PRIM2: variants seen among roughly 807,000 people sequenced by gnomAD.
The protein encoded by PRIM2 is DNA primase subunit 2.
A neutral mutation model predicts 67.3 loss-of-function variants in PRIM2; 39 were observed. The ratio of observed to expected loss-of-function variants is 0.58; its 90% CI spans 0.45 to 0.76. The LOEUF is 0.76. Ranked by LOEUF, PRIM2 falls within the 30% of genes least tolerant of loss-of-function variation. The probability of loss-of-function intolerance (pLI) is 0.00; values close to 1 mark genes in which losing one functional copy is unlikely to be tolerated. For synonymous variants in PRIM2, 143 were observed against 198.7 expected (o/e 0.72, Z 2.36); for missense variants, 398 against 598.7 (o/e 0.66, Z 3.50).
rs1423115261 is a variant in PRIM2, at chr6:57,646,338, A to G, written c.*180A>G. On this transcript the variant is annotated 3_prime_UTR_variant, in exon 14 of 14. Coordinates refer to ENST00000615550, the MANE Select transcript of PRIM2 (RefSeq NM_000947.5). The stretch of plus-strand genomic sequence containing the variant: ...TCCTACCTCAGCCTCCCAAGTAGTT[A>G]GGACCACAGGTGTGCACCTCATATC... 244,991 of 599,374 alleles carry G rather than the reference A, an allele frequency of 0.41. 52,645 individuals are homozygous for G. The highest frequency in any genetic ancestry group is 0.69 in the East Asian group (24,612 of 35,744). The allele number at this position is 599,374 out of a possible 1,614,324, so 37.1% of individuals were successfully genotyped here.
chr6:57,401,558 A>G (rs1770709080), intron 7 of PRIM2, among the ~76,000 whole-genome samples: 1 of 152,062 alleles, frequency 6.6e-6, no homozygotes, highest in South Asian at 2.1e-4. Context: ...CTGGCTGTAG[A>G]TTGCAGCTTG....
At chr6:57,500,461 A>C (rs1260023666) in intron 7 of PRIM2, among the ~76,000 whole-genome samples, 1 of 152,220 alleles carries the variant, frequency 6.6e-6, no homozygotes, top group Non-Finnish European at 1.5e-5. Context: ...AGTCTAGTTG[A>C]AAGAAGGTTT....
At chr6:57,613,628 A>T (rs1433062332) in intron 12 of PRIM2, among the ~76,000 whole-genome samples, 1 of 152,094 alleles carries the variant, frequency 6.6e-6, no homozygotes, top group African/African-American at 2.4e-5. Flanking sequence ...CCACACTTTT[A>T]TGGGATCTGG....
chr6:57,475,574 A>T (rs1773457015), intron 7 of PRIM2, among the ~76,000 whole-genome samples: 1 of 152,170 alleles, frequency 6.6e-6, no homozygotes, highest in African/African-American at 2.4e-5. Flanking sequence ...TCGTGTGCAT[A>T]TACCAGAATA....
At chr6:57,254,853 T>C in the PRIM2 span, among the ~76,000 whole-genome samples, 2 of 152,162 alleles carry the variant, frequency 1.3e-5, no homozygotes, top group African/African-American at 4.8e-5. Context: ...AGGATTCAGA[T>C]CTTAGTTATA....
intron 12 of PRIM2, among the ~76,000 whole-genome samples, chr6:57,610,102 T>G (rs1203955773): frequency 6.2e-4 from 95 of 152,272 alleles, no homozygotes; most frequent in African/African-American, 2.1e-3. Context: ...AGAGTCTTGC[T>G]CTGTCTTCCA....
the PRIM2 span, among the ~76,000 whole-genome samples, chr6:57,287,726 G>A: frequency 6.6e-6 from 1 of 151,382 alleles, no homozygotes; most frequent in Admixed American, 6.6e-5. Context: ...GTATACCTGT[G>A]TAACAAAGCT....
intron 3 of PRIM2, among the ~76,000 whole-genome samples, chr6:57,322,489 A>G (rs1767693807): frequency 6.6e-6 from 1 of 152,240 alleles, no homozygotes; most frequent in Non-Finnish European, 1.5e-5. Flanking sequence ...GCTATTCTAG[A>G]TAGTGAGTTC....
At chr6:57,294,466 G>A in the PRIM2 span, among the ~76,000 whole-genome samples, 5 of 152,042 alleles carry the variant, frequency 3.3e-5, 1 homozygote, top group Admixed American at 3.3e-4. Context: ...GGGCAACAGA[G>A]CGAGACTCCG....
Position 57,507,450 on chromosome 6 carries a change from C to G in PRIM2, c.757C>G (p.Leu253Val). The G allele has an allele frequency of 6.5e-7, 1 of 1,527,066 alleles. No individual in the cohort carries two copies. 94.6% of individuals were successfully genotyped at this position (1,527,066 alleles called of 1,614,324 possible). A position where few individuals can be genotyped will look rare whatever the true frequency, so the allele number is the denominator to read the frequency against. Residue 253 changes from leucine to valine, a missense_variant, in exon 8 of 14, where the codon CTC becomes GTC. This residue lies in a region of PRIM2 where 229 missense variants were observed against 383.6 expected (regional missense o/e 0.60). Transcript: ENST00000615550. ...AAGACTTCAGCCTCTGCTCAATCACCTCAGGTAATATAAGGGCACAGCCTT... is the reference window on the plus strand; with the variant it reads ...AAGACTTCAGCCTCTGCTCAATCACGTCAGGTAATATAAGGGCACAGCCTT... Reference protein sequence around the residue: ...DERLQPLLNHLSHSYTGQDYS... With the variant: ...DERLQPLLNHVSHSYTGQDYS...
intron 8 of PRIM2, among the ~76,000 whole-genome samples, chr6:57,514,181 A>G (rs1774432444): frequency 6.6e-6 from 1 of 152,206 alleles, no homozygotes; most frequent in South Asian, 2.1e-4. Context: ...CATTTTGTTA[A>G]TATGCACACA....
upstream of PRIM2, among the ~76,000 whole-genome samples, chr6:57,314,207 C>G (rs533142981): frequency 4.6e-5 from 7 of 152,282 alleles, no homozygotes; most frequent in East Asian, 1.3e-3. Flanking sequence ...TCATATGTCT[C>G]TCACAGTATT....
intron 7 of PRIM2, among the ~76,000 whole-genome samples, chr6:57,491,639 A>G (rs1319415075): frequency 1.3e-5 from 2 of 152,204 alleles, no homozygotes; most frequent in Non-Finnish European, 2.9e-5. Flanking sequence ...CATATAACAG[A>G]AATGATTTTT....
chr6:57,551,483 T>G (rs1313766139), intron 10 of PRIM2, among the ~76,000 whole-genome samples: 3 of 152,224 alleles, frequency 2.0e-5, no homozygotes, highest in African/African-American at 7.2e-5. Flanking sequence ...AGAAGTAGAT[T>G]GCTTTTCGAC....
chr6:57,442,436 G>C (rs976451287), intron 7 of PRIM2, among the ~76,000 whole-genome samples: 1 of 151,898 alleles, frequency 6.6e-6, no homozygotes, highest in Non-Finnish European at 1.5e-5. Flanking sequence ...CAAGAAGAAG[G>C]GGACTGAGAT....
At chr6:57,277,103 C>T in the PRIM2 span, among the ~76,000 whole-genome samples, 1 of 152,154 alleles carries the variant, frequency 6.6e-6, no homozygotes, top group East Asian at 1.9e-4. Flanking sequence ...AAGAAGTTAC[C>T]ATCAGAGAGA....
At chr6:57,224,595 T>G in the PRIM2 span, among the ~76,000 whole-genome samples, 1 of 152,086 alleles carries the variant, frequency 6.6e-6, no homozygotes, top group Non-Finnish European at 1.5e-5. Context: ...AATGGTAAAT[T>G]TTATGTTTTA....
chr6:57,492,396 A>G (rs1554346043), intron 7 of PRIM2, among the ~76,000 whole-genome samples: 53 of 152,136 alleles, frequency 3.5e-4, no homozygotes, highest in Non-Finnish European at 3.4e-4. Context: ...TACAAAAATT[A>G]GCAGGGCATG....
chr6:57,640,459 A>G (rs1777210800), intron 13 of PRIM2, among the ~76,000 whole-genome samples: 1 of 152,210 alleles, frequency 6.6e-6, no homozygotes, highest in African/African-American at 2.4e-5. Flanking sequence ...CTCTGTTTGC[A>G]GATGACATGA....
Sources: allele counts gnomAD v4.1 joint callset (sites outside exome capture counted in the v4.1 genomes callset), GRCh38; gene constraint gnomAD v4.1.1; regional missense constraint gnomAD v4.1.1; transcripts MANE v1.5; gene names NCBI Gene and HGNC (gene_info 2026-07-23, HGNC 2026-07-21).